POLR3D: variants seen among roughly 807,000 people sequenced by gnomAD.
The protein encoded by POLR3D is RNA polymerase III subunit D, also known as DNA-directed RNA polymerase III subunit RPC4.
In POLR3D, 42 loss-of-function variants were observed where a neutral mutation model predicts 44.5. That is an observed-to-expected ratio of 0.94 (90% CI 0.74 to 1.22). POLR3D has a LOEUF of 1.22. Ranked by LOEUF, POLR3D falls within the 50% of genes most tolerant of loss-of-function variation. POLR3D has a pLI of 0.00. For missense variants in POLR3D, 507 were observed against 505.2 expected, an observed-to-expected ratio of 1.00 and a Z score of -0.03; for synonymous variants, 217 against 198.1, an observed-to-expected ratio of 1.10 and a Z score of -0.80.
Position 22,249,707 on chromosome 8 carries a change from C to T in POLR3D, c.922-368C>T, listed in dbSNP as rs541477956. 4.5e-4 allele frequency among the ~76,000 whole-genome samples: 69 copies of T among 151,966 alleles called. 1 individual carries two copies. The South Asian group carries it at 5.2e-3, about 11-fold the overall frequency. On this transcript the variant is annotated intron_variant, in intron 7 of 8. Coordinates refer to ENST00000306433, the MANE Select transcript of POLR3D (RefSeq NM_001722.3). ...CATGGTGGCGTGTGCCTGTAGTCCCCGCTACTTGGGAGGCTGAGGCGGGGG... is the reference window on the plus strand; with the variant it reads ...CATGGTGGCGTGTGCCTGTAGTCCCTGCTACTTGGGAGGCTGAGGCGGGGG...
In POLR3D at chr8:22,250,484, AT is replaced by A; in HGVS notation, c.1167del (p.Phe389LeufsTer97). The A allele has an allele frequency of 6.2e-7, 1 of 1,614,186 alleles. No homozygotes were observed. Among genetic ancestry groups the A allele is most frequent in the Non-Finnish European group, 8.5e-7 (1 of 1,180,030 alleles). ...HVKHKLVCSP[D>X]FESLLDHKHR ...AAGCACAAACTTGTATGTTCCCCTG[AT>A]TTTGAATCCCTCTTGGATCACAAAC... On this transcript the variant is annotated frameshift_variant, in exon 9 of 9. Coordinates refer to ENST00000306433, the MANE Select transcript of POLR3D (RefSeq NM_001722.3). LOFTEE classifies it high-confidence loss of function.
rs1003387160 is a variant in POLR3D, at chr8:22,252,316, C to T, written c.*1798C>T. 3.3e-5 allele frequency: 5 copies of T among 153,792 alleles called. No individual in the cohort carries two copies. The highest frequency in any genetic ancestry group is 3.4e-3 in the Middle Eastern group (1 of 294). 9.5% of individuals were successfully genotyped at this position (153,792 alleles called of 1,614,324 possible). A position where few individuals can be genotyped will look rare whatever the true frequency, so the allele number is the denominator to read the frequency against. On this transcript the variant is annotated 3_prime_UTR_variant, in exon 9 of 9. Transcript: ENST00000306433. ...TTTCTTCCTTTAAATAGCTGATGCA[C>T]GGCCAGCAGGTCTCCATTCTCATCC... is the stretch of plus-strand genomic sequence containing the variant.
intron 2 of POLR3D, among the ~76,000 whole-genome samples, chr8:22,246,816 G>T (rs1426281496): frequency 1.3e-5 from 2 of 152,222 alleles, no homozygotes; most frequent in African/African-American, 4.8e-5. Context: ...CTGATTGAAA[G>T]TGTTGGCAGA....
In POLR3D at chr8:22,250,084, T is replaced by C. The variant is rs1303766781; in HGVS notation, c.931T>C (p.Leu311=). 6.2e-7 allele frequency: 1 copy of C among 1,614,070 alleles called. No homozygotes were observed. The change falls in exon 8 of 9, where the codon TTG becomes CTG. Residue 311 remains leucine (L), a synonymous_variant. Coordinates refer to ENST00000306433, the MANE Select transcript of POLR3D (RefSeq NM_001722.3). ...IKQEKDREAK[L]AENACTLADL... ...CTGGTTTTCTCCGCAGGAAGCCAAA[T>C]TGGCAGAGAATGCTTGTACCCTGGC... is the stretch of plus-strand genomic sequence containing the variant.
At chr8:22,245,410 C>T (rs1166072290) in intron 1 of POLR3D, 35 bp from the exon 2 acceptor site, 8 of 1,313,048 alleles carry the variant, frequency 6.1e-6, no homozygotes, top group Non-Finnish European at 7.8e-6. Context: ...GCGTGTCAGT[C>T]CCCTCTGGTG....
At chr8:22,245,653 T>G in intron 2 of POLR3D, 39 bp downstream of exon 2, 1 of 1,224,300 alleles carries the variant, frequency 8.2e-7, no homozygotes, top group Non-Finnish European at 1.0e-6. Flanking sequence ...TCAACTACCT[T>G]GAATTCCAAG....
intron 1 of POLR3D, 106 bp from the exon 2 acceptor site, chr8:22,245,339 A>C (rs1830027220): frequency 1.3e-6 from 1 of 783,524 alleles, no homozygotes; most frequent in African/African-American, 1.8e-5. Context: ...CTGAGAGGCC[A>C]CTGGAGGGAC....
rs528214280 is a variant in POLR3D, at chr8:22,253,545, C to T, written c.*3027C>T. The stretch of plus-strand genomic sequence containing the variant: ...TTCAAAAAATGCTGCAATGTAAAAT[C>T]ATAAAGTATTCATCTAGGCATAACT... On this transcript the variant is annotated 3_prime_UTR_variant, in exon 9 of 9. Transcript: ENST00000306433. The T allele has an allele frequency of 1.3e-5, 2 of 152,326 alleles. No individual in the cohort carries two copies. The highest frequency in any genetic ancestry group is 1.3e-4 in the Admixed American group (2 of 15,302). The allele number at this position is 152,326 out of a possible 1,614,324, so 9.4% of individuals were successfully genotyped here.
At chr8:22,245,351 C>T in intron 1 of POLR3D, 94 bp from the exon 2 acceptor site, 1 of 922,396 alleles carries the variant, frequency 1.1e-6, no homozygotes. Flanking sequence ...TGGAGGGACG[C>T]ACCGACTGGG....
In POLR3D at chr8:22,254,315, T is replaced by C. The variant is rs1214741237; in HGVS notation, c.*3797T>C. On this transcript the variant is annotated 3_prime_UTR_variant, in exon 9 of 9. Coordinates refer to ENST00000306433, the MANE Select transcript of POLR3D (RefSeq NM_001722.3). ...TTATTTCAGCCTCCAAAATTTTGTA[T>C]GTTATTTATAATGATATAAATTATG... The C allele has an allele frequency of 6.6e-6, 1 of 152,224 alleles. No individual in the cohort carries two copies. Among genetic ancestry groups the C allele is most frequent in the Non-Finnish European group, 1.5e-5 (1 of 68,044 alleles). The allele number at this position is 152,224 out of a possible 1,614,324, so 9.4% of individuals were successfully genotyped here.
At position 22,254,155 on chromosome 8, in the gene POLR3D, A is replaced by G. The variant is rs1830128562; in HGVS notation, c.*3637A>G. The stretch of plus-strand genomic sequence containing the variant: ...ATCTTTATGTCCATAGGTACCCATT[A>G]TTTAGCTCCCACTTATAAGTGAGAA... On this transcript the variant is annotated 3_prime_UTR_variant, in exon 9 of 9. Transcript: ENST00000306433. The G allele has an allele frequency of 1.3e-5, 2 of 151,390 alleles. No individual in the cohort carries two copies. Among genetic ancestry groups the G allele is most frequent in the Admixed American group, 6.6e-5 (1 of 15,206 alleles). 9.4% of individuals were successfully genotyped at this position (151,390 alleles called of 1,614,324 possible).
At position 22,251,997 on chromosome 8, in the gene POLR3D, T is replaced by C. The variant is rs557764786; in HGVS notation, c.*1479T>C. 1 of 153,718 alleles carries C rather than the reference T, an allele frequency of 6.5e-6. No individual in the cohort carries two copies. Among genetic ancestry groups the C allele is most frequent in the Admixed American group, 6.5e-5 (1 of 15,300 alleles). The allele number at this position is 153,718 out of a possible 1,614,324, so 9.5% of individuals were successfully genotyped here. ...CCTTAGATTTTGGGTACATCTTCCT[T>C]CAGGCTCACCTTCCTTCTTTTCAAA... On this transcript the variant is annotated 3_prime_UTR_variant, in exon 9 of 9. Coordinates refer to ENST00000306433, the MANE Select transcript of POLR3D (RefSeq NM_001722.3).
At chr8:22,249,336 A>G in intron 7 of POLR3D, 27 bp downstream of exon 7, 1 of 1,606,772 alleles carries the variant, frequency 6.2e-7, no homozygotes, top group Middle Eastern at 1.7e-4. Context: ...GCCTGCGGGA[A>G]TCAAGTCGGG....
At chr8:22,246,654 CA>C (rs569603878) in intron 2 of POLR3D, among the ~76,000 whole-genome samples, 4 of 152,306 alleles carry the variant, frequency 2.6e-5, no homozygotes, top group African/African-American at 9.6e-5. Context: ...CCATCTTGGC[CA>C]GGCTGATCTT....
chr8:22,247,225 C>A lies in POLR3D; in HGVS notation c.170C>A (p.Thr57Asn). The change falls in exon 3 of 9, where the codon ACC becomes AAC. Residue 57 changes from threonine to asparagine, a missense_variant. Coordinates refer to ENST00000306433, the MANE Select transcript of POLR3D (RefSeq NM_001722.3). ...DLTLGGVKKK[T>N]FTPNIISRKI... Reference sequence around the variant, plus strand: ...ACTCCTGTATTTTGCTTTCAGAAAACCTTCACCCCAAATATCATCAGTCGG... The same window carrying A: ...ACTCCTGTATTTTGCTTTCAGAAAAACTTCACCCCAAATATCATCAGTCGG... The A allele has an allele frequency of 1.9e-6, 3 of 1,612,754 alleles. No homozygotes were observed. Among genetic ancestry groups the A allele is most frequent in the East Asian group, 2.2e-5 (1 of 44,850 alleles).
At chr8:22,246,288 C>A (rs959589304) in intron 2 of POLR3D, among the ~76,000 whole-genome samples, 2 of 151,516 alleles carry the variant, frequency 1.3e-5, no homozygotes, top group African/African-American at 4.9e-5. Context: ...CCACCATGCC[C>A]AGCTGATTTT....
chr8:22,249,277 C>T lies in POLR3D; in HGVS notation c.889C>T (p.Gln297Ter). 2 of 1,613,954 alleles carry T rather than the reference C, an allele frequency of 1.2e-6. No individual in the cohort carries two copies. The highest frequency in any genetic ancestry group is 1.1e-5 in the South Asian group (1 of 91,056). ...IKTEVQGEDG[Q>*]VVLIKQEKDR... ...GACAGAGGTGCAGGGCGAGGACGGACAGGTGGTGCTCATCAAGCAGGAGAA... is the reference window on the plus strand; with the variant it reads ...GACAGAGGTGCAGGGCGAGGACGGATAGGTGGTGCTCATCAAGCAGGAGAA... The change falls in exon 7 of 9, where the codon CAG becomes TAG. Residue 297 changes from glutamine (Q) to a stop codon, truncating the protein, a stop_gained. Transcript: ENST00000306433. LOFTEE classifies it high-confidence loss of function.
intron 2 of POLR3D, among the ~76,000 whole-genome samples, chr8:22,246,230 C>A (rs966345959): frequency 6.6e-6 from 1 of 152,012 alleles, no homozygotes; most frequent in African/African-American, 2.4e-5. Flanking sequence ...CAGGTTTGAG[C>A]GATTCTCCTG....
chr8:22,245,177 G>A lies in POLR3D; in HGVS notation c.-12G>A. On this transcript the variant is annotated 5_prime_UTR_variant, in exon 1 of 9. Coordinates refer to ENST00000306433, the MANE Select transcript of POLR3D (RefSeq NM_001722.3). ...AGACCGAAGGCTGGCGGCTGGTCGC[G>A]TTGCAGGTGAGGTTGTGACGCGCGG... 3.4e-6 allele frequency: 2 copies of A among 585,382 alleles called. No individual in the cohort carries two copies. Among genetic ancestry groups the A allele is most frequent in the South Asian group, 3.6e-5 (2 of 56,124 alleles). 36.3% of individuals were successfully genotyped at this position (585,382 alleles called of 1,614,324 possible).
Sources: gnomAD v4.1 joint callset for allele counts (sites outside exome capture counted in the v4.1 genomes callset) on GRCh38, gnomAD v4.1.1 for gene constraint, MANE v1.5 for transcripts, NCBI Gene and HGNC (gene_info 2026-07-23, HGNC 2026-07-21) for gene names.